Variants in TTLL9 observed in about 807,000 individuals in gnomAD.
The protein encoded by TTLL9 is tubulin tyrosine ligase like 9.
A neutral mutation model predicts 65.6 loss-of-function variants in TTLL9; 47 were observed. The ratio of observed to expected loss-of-function variants is 0.72; its 90% confidence interval spans 0.57 to 0.91. The LOEUF is 0.91. Among genes scored for constraint, TTLL9 ranks in the 40% least tolerant of loss-of-function variants. TTLL9 has a pLI of 0.00. For missense variants in TTLL9, 537 were observed against 568.8 expected (o/e 0.94, Z 0.57); for synonymous variants, 179 against 204.8 (o/e 0.87, Z 1.07).
chr20:31,930,752 T>G (rs1490827506), intron 10 of TTLL9, among the ~76,000 whole-genome samples: 1 of 152,238 alleles, frequency 6.6e-6, no homozygotes, highest in Non-Finnish European at 1.5e-5. Context: ...CTTTTTCTCC[T>G]AAATATTTTG....
intron 2 of TTLL9, among the ~76,000 whole-genome samples, chr20:31,880,384 T>G (rs1264405509): frequency 6.6e-6 from 1 of 152,016 alleles, no homozygotes; most frequent in East Asian, 1.9e-4. Context: ...CAGACAAACC[T>G]CTGCCCTCCA....
At chr20:31,883,729 TA>T (rs112268533) in intron 2 of TTLL9, among the ~76,000 whole-genome samples, 75 of 146,402 alleles carry the variant, frequency 5.1e-4, no homozygotes, top group African/African-American at 1.2e-3. Context: ...TTAAATAAGT[TA>T]AAAAAAAAAG....
At chr20:31,925,460 C>T (rs937868657) in intron 9 of TTLL9, among the ~76,000 whole-genome samples, 2 of 152,150 alleles carry the variant, frequency 1.3e-5, no homozygotes, top group Admixed American at 6.5e-5. Flanking sequence ...CAAGGTCACA[C>T]AGTTGGTGAG....
At chr20:31,923,079 T>C in intron 8 of TTLL9, 26 bp downstream of exon 8, 2 of 1,544,292 alleles carry the variant, frequency 1.3e-6, no homozygotes, top group Non-Finnish European at 1.8e-6. Context: ...CTGCTCCTGC[T>C]CTTCCATTGC....
At chr20:31,909,125 ATTTTTT>A (rs11476481) in intron 5 of TTLL9, among the ~76,000 whole-genome samples, 1 of 79,378 alleles carries the variant, frequency 1.3e-5, no homozygotes, top group Non-Finnish European at 2.4e-5. Flanking sequence ...TGAAAGCATG[ATTTTTT>A]TTTTTTTTTT....
intron 6 of TTLL9, among the ~76,000 whole-genome samples, chr20:31,919,377 A>G (rs1195356154): frequency 2.0e-5 from 3 of 152,086 alleles, no homozygotes; most frequent in African/African-American, 7.2e-5. Context: ...TCCTTCTACA[A>G]TGGTAGAAGG....
At chr20:31,931,368 C>G (rs180923291) in intron 10 of TTLL9, among the ~76,000 whole-genome samples, 1 of 151,990 alleles carries the variant, frequency 6.6e-6, no homozygotes. Context: ...CTCGACTTCC[C>G]GGGCTCAAAT....
At chr20:31,916,432 C>T (rs73102622) in intron 6 of TTLL9, among the ~76,000 whole-genome samples, 5,479 of 152,256 alleles carry the variant, frequency 0.036, 151 homozygotes, top group Non-Finnish European at 0.055. Context: ...TCATCAGCCC[C>T]GATGTAACAC....
At chr20:31,925,794 G>C (rs551697959) in intron 9 of TTLL9, 1 of 1,322,302 alleles carries the variant, frequency 7.6e-7, no homozygotes, top group African/African-American at 1.5e-5. Context: ...GAAACGGTAG[G>C]TGCAAGAGCT....
In TTLL9 at chr20:31,905,637, G is replaced by A. The variant is rs184317180; in HGVS notation, c.207-2954G>A. 2.0e-5 allele frequency among the ~76,000 whole-genome samples: 3 copies of A among 152,296 alleles called. No individual in the cohort carries two copies. In the East Asian group the frequency reaches 5.8e-4, roughly 29 times the overall value. ...ACATCTCTGAGCTCAGTGAAAGGCT[G>A]GGTCTGTCTGCCTGCCTTAAAGCCC... is the stretch of plus-strand genomic sequence containing the variant. On this transcript the variant is annotated intron_variant, in intron 4 of 14. Transcript: ENST00000535842.
At chr20:31,890,100 CCCTTCCTTCCTTCCTTCCTTCCTTCCTT>C (rs1286424316) in intron 3 of TTLL9, among the ~76,000 whole-genome samples, 9 of 50,038 alleles carry the variant, frequency 1.8e-4, no homozygotes, top group African/African-American at 7.3e-4. Flanking sequence ...TTCTTTCCCT[CCCTTCCTTCCTTCCTTCCTTCCTTCCTT>C]CCTTCCTTCC....
In TTLL9 at chr20:31,923,056, G is replaced by A; in HGVS notation, c.664+3G>A. ...TGAAAATCCTTACCTGATAGGAGGT[G>A]AGATGGCTGTGTCTGCTCCTGCTCT... is the stretch of plus-strand genomic sequence containing the variant. On this transcript the variant is annotated splice_donor_region_variant and intron_variant, in intron 8 of 14. Transcript: ENST00000535842. 1 of 1,608,994 alleles carries A rather than the reference G, an allele frequency of 6.2e-7. No individual in the cohort carries two copies. Among genetic ancestry groups the A allele is most frequent in the South Asian group, 1.1e-5 (1 of 90,938 alleles).
rs778645409 is a variant in TTLL9, at chr20:31,944,827, A to G, written c.*1806A>G. ...AGAGGTGTGCCCCTGCCATGCTGCC[A>G]TTTGTTATCACCCGCCTGTCAAATC... On this transcript the variant is annotated 3_prime_UTR_variant, in exon 15 of 15. Transcript: ENST00000535842. 2.0e-5 allele frequency: 3 copies of G among 152,208 alleles called. No homozygotes were observed. The highest frequency in any genetic ancestry group is 4.4e-5 in the Non-Finnish European group (3 of 68,060). 9.4% of individuals were successfully genotyped at this position (152,208 alleles called of 1,614,324 possible).
intron 4 of TTLL9, among the ~76,000 whole-genome samples, chr20:31,904,720 G>A (rs1335674869): frequency 2.6e-5 from 4 of 152,064 alleles, no homozygotes; most frequent in African/African-American, 9.7e-5. Flanking sequence ...GTTACTCTCT[G>A]TCATTCCTTC....
chr20:31,891,286 G>A (rs1036732357), intron 3 of TTLL9, among the ~76,000 whole-genome samples: 7 of 152,078 alleles, frequency 4.6e-5, no homozygotes, highest in South Asian at 2.1e-4. Context: ...CTCTCCAAAG[G>A]TATGTCCAAT....
At chr20:31,924,907 A>AG in intron 8 of TTLL9, 102 bp from the exon 9 acceptor site, 1 of 1,285,792 alleles carries the variant, frequency 7.8e-7, no homozygotes, top group African/African-American at 1.5e-5. Flanking sequence ...AGCTTCATGA[A>AG]GGCGGGGTTT....
intron 13 of TTLL9, chr20:31,938,078 CT>C: frequency 4.1e-6 from 1 of 241,176 alleles, no homozygotes; most frequent in Non-Finnish European, 8.3e-6. Context: ...CTCCCTCTCC[CT>C]CTCCCTCCCT....
intron 2 of TTLL9, among the ~76,000 whole-genome samples, chr20:31,882,479 A>G (rs928780966): frequency 3.3e-5 from 5 of 152,196 alleles, no homozygotes; most frequent in Non-Finnish European, 7.3e-5. Context: ...TCACCAGCCT[A>G]TGCTCTTTTT....
intron 7 of TTLL9, among the ~76,000 whole-genome samples, chr20:31,921,840 G>A (rs1369930372): frequency 6.6e-6 from 1 of 152,108 alleles, no homozygotes; most frequent in Non-Finnish European, 1.5e-5. Flanking sequence ...GAAGGAGGGG[G>A]GAGGGATAGC....
Sources: gnomAD v4.1 joint callset for allele counts (sites outside exome capture counted in the v4.1 genomes callset) on GRCh38, gnomAD v4.1.1 for gene constraint, MANE v1.5 for transcripts, NCBI Gene and HGNC (gene_info 2026-07-23, HGNC 2026-07-21) for gene names.